The following ATP8B4 variants were observed in gnomAD, a reference collection of about 807,000 sequenced individuals.
ATP8B4 encodes the protein probable phospholipid-transporting ATPase IM.
In ATP8B4, 133 loss-of-function variants were observed where a neutral mutation model predicts 145.6. The observed-to-expected ratio is 0.91, with a 90% confidence interval of 0.79 to 1.05. ATP8B4 has a LOEUF of 1.05. ATP8B4 is among the 50% of genes least tolerant of loss of function. ATP8B4 has a pLI of 0.00. For missense variants in ATP8B4, 1,458 were observed against 1,425.2 expected (o/e 1.02, Z -0.37); for synonymous variants, 507 against 492.9 (o/e 1.03, Z -0.38).
chr15:49,947,655 G>T (rs948549652), intron 14 of ATP8B4, among the ~76,000 whole-genome samples: 12 of 151,924 alleles, frequency 7.9e-5, no homozygotes, highest in Admixed American at 4.6e-4. Context: ...AATGACCCCA[G>T]ATAGCCAAAA....
chr15:49,861,794 C>T (rs2031868084), intron 27 of ATP8B4, among the ~76,000 whole-genome samples: 1 of 152,168 alleles, frequency 6.6e-6, no homozygotes, highest in Admixed American at 6.5e-5. Flanking sequence ...CAGAAGGTAA[C>T]ATCTCACCCA....
chr15:49,918,636 A>T (rs1198094143), intron 19 of ATP8B4, among the ~76,000 whole-genome samples: 1 of 152,220 alleles, frequency 6.6e-6, no homozygotes, highest in Non-Finnish European at 1.5e-5. Context: ...TCCAGCTTAT[A>T]CTATGGAAGG....
At chr15:49,877,506 T>A (rs181640108) in intron 24 of ATP8B4, among the ~76,000 whole-genome samples, 12 of 152,164 alleles carry the variant, frequency 7.9e-5, no homozygotes, top group Middle Eastern at 3.2e-3. Flanking sequence ...CAGAGTCCCA[T>A]GGAAAAACAC....
intron 7 of ATP8B4, among the ~76,000 whole-genome samples, chr15:50,007,769 A>G (rs147799842): frequency 7.2e-4 from 110 of 152,170 alleles, no homozygotes; most frequent in African/African-American, 2.5e-3. Context: ...GTGCAGGGAG[A>G]TATATTAGTA....
chr15:49,876,920 G>C (rs1180250566), intron 24 of ATP8B4, among the ~76,000 whole-genome samples: 2 of 152,172 alleles, frequency 1.3e-5, no homozygotes, highest in Non-Finnish European at 2.9e-5. Context: ...GAAGTTAATT[G>C]TCAAGGTAGT....
chr15:50,036,078 T>C (rs1048373897), intron 6 of ATP8B4, among the ~76,000 whole-genome samples: 12 of 152,212 alleles, frequency 7.9e-5, no homozygotes, highest in Non-Finnish European at 1.5e-4. Context: ...TCTCTTAATA[T>C]TGCCATGGGC....
At chr15:49,963,148 A>G (rs924730622) in intron 13 of ATP8B4, among the ~76,000 whole-genome samples, 7 of 152,222 alleles carry the variant, frequency 4.6e-5, no homozygotes, top group Non-Finnish European at 1.0e-4. Flanking sequence ...ATAAATGGGG[A>G]CAACAAAAAT....
chr15:50,142,697 T>C (rs570030618), intron 1 of ATP8B4, among the ~76,000 whole-genome samples: 2 of 152,298 alleles, frequency 1.3e-5, no homozygotes, highest in East Asian at 3.9e-4. Context: ...CAGGGAATCT[T>C]AGTAATAAAA....
chr15:49,950,963 C>A (rs2043051224), intron 14 of ATP8B4, among the ~76,000 whole-genome samples: 1 of 152,156 alleles, frequency 6.6e-6, no homozygotes, highest in Admixed American at 6.5e-5. Context: ...ACCCAGGAGT[C>A]ATTCAGAAGC....
chr15:49,892,623 C>T (rs879273811), intron 23 of ATP8B4, among the ~76,000 whole-genome samples: 2 of 152,196 alleles, frequency 1.3e-5, no homozygotes, highest in Non-Finnish European at 2.9e-5. Context: ...ATCCATTCCA[C>T]AATGTCCCAA....
At chr15:49,904,798 T>C (rs2038421351) in intron 20 of ATP8B4, among the ~76,000 whole-genome samples, 1 of 152,242 alleles carries the variant, frequency 6.6e-6, no homozygotes, top group African/African-American at 2.4e-5. Flanking sequence ...AAAATACTGA[T>C]GCATATTTTG....
intron 2 of ATP8B4, among the ~76,000 whole-genome samples, chr15:50,088,243 C>T (rs572671176): frequency 1.3e-5 from 2 of 151,950 alleles, no homozygotes; most frequent in South Asian, 2.1e-4. Flanking sequence ...ATTAGCTGGG[C>T]GTGGTGGCAG....
chr15:50,035,254 A>G (rs1042083562), intron 6 of ATP8B4, among the ~76,000 whole-genome samples: 1 of 152,226 alleles, frequency 6.6e-6, no homozygotes, highest in Admixed American at 6.5e-5. Context: ...CTTGGTGCTA[A>G]GAATGTTACG....
chr15:50,158,509 C>T (rs1418721381), intron 1 of ATP8B4, among the ~76,000 whole-genome samples: 1 of 151,434 alleles, frequency 6.6e-6, no homozygotes, highest in South Asian at 2.1e-4. Flanking sequence ...CCCGGCCAGC[C>T]GCCCAGTCCG....
intron 20 of ATP8B4, among the ~76,000 whole-genome samples, chr15:49,904,958 T>G (rs752353113): frequency 1.3e-5 from 2 of 151,982 alleles, no homozygotes; most frequent in Non-Finnish European, 2.9e-5. Context: ...ACGGAATGAG[T>G]TTTCCTCTCA....
At chr15:50,126,578 T>C (rs1381214949) in intron 1 of ATP8B4, among the ~76,000 whole-genome samples, 3 of 152,232 alleles carry the variant, frequency 2.0e-5, no homozygotes, top group African/African-American at 7.2e-5. Flanking sequence ...AAACATCTTA[T>C]GACTATAACT....
intron 2 of ATP8B4, among the ~76,000 whole-genome samples, chr15:50,093,636 T>C (rs954815928): frequency 3.9e-5 from 6 of 152,084 alleles, no homozygotes; most frequent in Admixed American, 2.0e-4. Context: ...GCATTTATTT[T>C]ACTACTGATA....
At chr15:50,003,863 G>A (rs1373341891) in intron 7 of ATP8B4, among the ~76,000 whole-genome samples, 1 of 152,102 alleles carries the variant, frequency 6.6e-6, no homozygotes, top group Non-Finnish European at 1.5e-5. Context: ...ACAAGGGGTG[G>A]AGTCCCTGCA....
At chr15:50,054,791 AAAAAAAAAAAAAAAAAAAC>A (rs1198668692) in intron 3 of ATP8B4, among the ~76,000 whole-genome samples, 1,907 of 143,026 alleles carry the variant, frequency 0.013, 62 homozygotes, top group African/African-American at 0.051. Context: ...CTCAAAAAAA[AAAAAAAAAAAAAAAAAAAC>A]AAAAAAAAAA....
Sources: gnomAD v4.1 joint callset for allele counts (sites outside exome capture counted in the v4.1 genomes callset) on GRCh38, gnomAD v4.1.1 for gene constraint, MANE v1.5 for transcripts, NCBI Gene and HGNC (gene_info 2026-07-23, HGNC 2026-07-21) for gene names.